Variants in SLC6A17 observed in about 807,000 individuals in gnomAD.
The protein encoded by SLC6A17 is solute carrier family 6 member 17, also known as sodium-dependent neutral amino acid transporter SLC6A17.
SLC6A17 carries 21 observed loss-of-function variants against 64.5 expected under a neutral mutation model. That is an observed-to-expected ratio of 0.33 (90% confidence interval 0.23 to 0.47). SLC6A17 has a LOEUF of 0.47. SLC6A17 is among the 20% of genes least tolerant of loss of function. The probability of loss-of-function intolerance (pLI) is 1.00; values close to 1 mark genes in which losing one functional copy is unlikely to be tolerated. For synonymous variants in SLC6A17, 372 were observed against 399.5 expected, an observed-to-expected ratio of 0.93 and a Z score of 0.82; for missense variants, 682 against 963.2, an observed-to-expected ratio of 0.71 and a Z score of 3.86.
At chr1:110,173,895 GCTGGGCC>G in intron 3 of SLC6A17, 71 bp from the exon 4 acceptor site, 8 of 1,525,524 alleles carry the variant, frequency 5.2e-6, no homozygotes, top group South Asian at 2.7e-5. Flanking sequence ...CTGCCGACGT[GCTGGGCC>G]TCGGGTGGAG....
Position 110,199,873 on chromosome 1 carries a change from GT to G in SLC6A17, c.*1431del. On this transcript the variant is annotated 3_prime_UTR_variant, in exon 12 of 12. Transcript: ENST00000331565. ...GATGGATGGATAGATGGATGGATGG[GT>G]TGGGGAGTGGGGGTGGATGGATGGA... 2.6e-6 allele frequency: 1 copy of G among 387,854 alleles called. No homozygotes were observed. Among genetic ancestry groups the G allele is most frequent in the Non-Finnish European group, 4.5e-6 (1 of 221,018 alleles). 24.0% of individuals were successfully genotyped at this position (387,854 alleles called of 1,614,324 possible).
chr1:110,184,999 C>G (rs1233153863), intron 6 of SLC6A17, among the ~76,000 whole-genome samples: 3 of 152,080 alleles, frequency 2.0e-5, no homozygotes, highest in African/African-American at 7.2e-5. Flanking sequence ...TCTGAAGGCC[C>G]AGGGGTGGAG....
At chr1:110,168,654 G>A (rs1170091923) in intron 2 of SLC6A17, among the ~76,000 whole-genome samples, 1 of 152,208 alleles carries the variant, frequency 6.6e-6, no homozygotes, top group African/African-American at 2.4e-5. Context: ...ATGTTGAGAA[G>A]AGCTCCAAGG....
chr1:110,197,291 A>T, intron 10 of SLC6A17, 146 bp from the exon 11 acceptor site: 1 of 1,120,758 alleles, frequency 8.9e-7, no homozygotes, highest in Non-Finnish European at 1.3e-6. Context: ...GCCAGACCAC[A>T]CACAATGAGC....
rs1401137845 is a variant in SLC6A17, at chr1:110,200,128, A to T, written c.*1684A>T. ...CACTCTTGTGGCTCAGATTGCTCTT[A>T]GGACCTGGAGGGACAGACCAGAATC... On this transcript the variant is annotated 3_prime_UTR_variant, in exon 12 of 12. Transcript: ENST00000331565. 1 of 398,388 alleles carries T rather than the reference A, an allele frequency of 2.5e-6. No homozygotes were observed. Among genetic ancestry groups the T allele is most frequent in the Non-Finnish European group, 4.4e-6 (1 of 226,040 alleles). The allele number at this position is 398,388 out of a possible 1,614,324, so 24.7% of individuals were successfully genotyped here.
At chr1:110,181,607 G>A (rs573617932) in intron 6 of SLC6A17, among the ~76,000 whole-genome samples, 125 of 152,328 alleles carry the variant, frequency 8.2e-4, no homozygotes, top group African/African-American at 3.0e-3. Context: ...TGATGCCAAG[G>A]GGAAAAATAA....
intron 5 of SLC6A17, among the ~76,000 whole-genome samples, chr1:110,175,552 A>G (rs1656353044): frequency 1.3e-5 from 2 of 152,170 alleles, no homozygotes; most frequent in African/African-American, 2.4e-5. Flanking sequence ...GCTGCCAGGG[A>G]TGAGAAGGAT....
At chr1:110,195,906 C>A (rs1656955299) in intron 10 of SLC6A17, among the ~76,000 whole-genome samples, 161 bp downstream of exon 10, 1 of 152,122 alleles carries the variant, frequency 6.6e-6, no homozygotes, top group Non-Finnish European at 1.5e-5. Flanking sequence ...CTGCCTAAGG[C>A]CACTTGTCCA....
In SLC6A17 at chr1:110,172,271, G is replaced by C. The variant is rs552975205; in HGVS notation, c.444+54G>C. ...GTGGGAGGCAGGGGGCTGCTCCTGG[G>C]CATTGGAGACGAGGTCACCGAGTTT... On this transcript the variant is annotated intron_variant, in intron 3 of 11. Transcript: ENST00000331565. The C allele has an allele frequency of 4.8e-4, 734 of 1,526,432 alleles. 2 individuals carry two copies. In the African/African-American group the frequency reaches 8.9e-3, roughly 19 times the overall value. 94.6% of individuals were successfully genotyped at this position (1,526,432 alleles called of 1,614,324 possible).
At position 110,170,870 on chromosome 1, in the gene SLC6A17, T is replaced by TAC. The variant is rs199970264; in HGVS notation, c.287-1188_287-1187dup. The stretch of plus-strand genomic sequence containing the variant: ...TGGTGTGTGTGTGTGTGTGTGTGTA[T>TAC]ACATGTGTGCTCATATTGCTCACGT... On this transcript the variant is annotated intron_variant, in intron 2 of 11. Coordinates refer to ENST00000331565, the MANE Select transcript of SLC6A17 (RefSeq NM_001010898.4). Among the ~76,000 whole-genome samples the TAC allele has an allele frequency of 7.7e-3, 1,171 of 152,206 alleles. 22 individuals are homozygous for TAC. The highest frequency in any genetic ancestry group is 0.026 in the African/African-American group (1,080 of 41,510).
In SLC6A17 at chr1:110,194,617, T is replaced by C. The variant is rs1215455686; in HGVS notation, c.1338T>C (p.Thr446=). The change falls in exon 9 of 12, where the codon ACT becomes ACC. Residue 446 remains threonine (T), a synonymous_variant. Coordinates refer to ENST00000331565, the MANE Select transcript of SLC6A17 (RefSeq NM_001010898.4). The part of the protein sequence containing the change: ...QGTGLAFIAF[T]EAMTHFPASP... Reference sequence around the variant, plus strand: ...CAGGCCTGGCCTTCATCGCCTTCACTGAGGCCATGACGCACTTCCCCGCCT... The same window carrying C: ...CAGGCCTGGCCTTCATCGCCTTCACCGAGGCCATGACGCACTTCCCCGCCT... 6.2e-7 allele frequency: 1 copy of C among 1,614,220 alleles called. No homozygotes were observed. Among genetic ancestry groups the C allele is most frequent in the Non-Finnish European group, 8.5e-7 (1 of 1,180,040 alleles).
At chr1:110,157,207 A>G (rs901450689) in intron 1 of SLC6A17, among the ~76,000 whole-genome samples, 1 of 152,144 alleles carries the variant, frequency 6.6e-6, no homozygotes, top group Non-Finnish European at 1.5e-5. Context: ...AGCCTGATCC[A>G]TATCACCATC....
Position 110,194,698 on chromosome 1 carries a change from CAT to C in SLC6A17, c.1420_1421del (p.Met474AspfsTer51), listed in dbSNP as rs1472494234. On this transcript the variant is annotated frameshift_variant, in exon 9 of 12. Coordinates refer to ENST00000331565, the MANE Select transcript of SLC6A17 (RefSeq NM_001010898.4). LOFTEE classifies it high-confidence loss of function. ...LMLINLGLGS[M>X]IGTMAGITTP... ...TGCTTATCAACCTGGGCCTGGGCAG[CAT>C]GATCGGGACCATGGCAGGCATCACC... 1 of 1,614,224 alleles carries C rather than the reference CAT, an allele frequency of 6.2e-7. No homozygotes were observed. The highest frequency in any genetic ancestry group is 8.5e-7 in the Non-Finnish European group (1 of 1,180,052).
intron 5 of SLC6A17, 96 bp from the exon 6 acceptor site, chr1:110,176,533 C>A: frequency 2.6e-6 from 3 of 1,166,500 alleles, no homozygotes; most frequent in Non-Finnish European, 3.8e-6. Context: ...CTGCTGCCAT[C>A]AGGGGCGGCT....
chr1:110,154,952 T>C (rs1433632029), intron 1 of SLC6A17, among the ~76,000 whole-genome samples: 1 of 152,198 alleles, frequency 6.6e-6, no homozygotes, highest in African/African-American at 2.4e-5. Context: ...GAGAGCCCAC[T>C]TTCTCCTCAC....
At chr1:110,172,421 C>G in intron 3 of SLC6A17, 1 of 654,706 alleles carries the variant, frequency 1.5e-6, no homozygotes, top group Non-Finnish European at 2.5e-6. Flanking sequence ...ACCACGTTGC[C>G]TGAAACAGCA....
chr1:110,180,902 A>G (rs550981594), intron 6 of SLC6A17, among the ~76,000 whole-genome samples: 1 of 152,272 alleles, frequency 6.6e-6, no homozygotes, highest in African/African-American at 2.4e-5. Context: ...GATTGTGCTA[A>G]ATGACCTGGA....
intron 1 of SLC6A17, among the ~76,000 whole-genome samples, chr1:110,160,743 A>ACT (rs1199098472): frequency 1.3e-5 from 2 of 152,094 alleles, no homozygotes; most frequent in Non-Finnish European, 2.9e-5. Flanking sequence ...GTCTAGAGTG[A>ACT]GTGGTGAGTG....
intron 2 of SLC6A17, among the ~76,000 whole-genome samples, chr1:110,169,467 G>T (rs1030830986): frequency 1.3e-5 from 2 of 152,182 alleles, no homozygotes; most frequent in African/African-American, 4.8e-5. Context: ...GCAGCACAGA[G>T]AGATTAAATA....
Sources: gnomAD v4.1 joint callset for allele counts (sites outside exome capture counted in the v4.1 genomes callset) on GRCh38, gnomAD v4.1.1 for gene constraint, MANE v1.5 for transcripts, NCBI Gene and HGNC (gene_info 2026-07-23, HGNC 2026-07-21) for gene names.